Variants in TUBB8B observed in about 807,000 individuals in gnomAD.
TUBB8B encodes tubulin beta 8B.
TUBB8B carries 26 observed loss-of-function variants against 31.9 expected under a neutral mutation model. The ratio of observed to expected loss-of-function variants is 0.81; its 90% confidence interval spans 0.60 to 1.13. The LOEUF (loss-of-function observed/expected upper bound fraction) is 1.13. Among genes scored for constraint, TUBB8B ranks in the 50% most tolerant of loss-of-function variants. TUBB8B has a pLI of 0.00. For synonymous variants in TUBB8B, 173 were observed against 231.0 expected (o/e 0.75, Z 2.28); for missense variants, 467 against 586.7 (o/e 0.80, Z 2.11).
chr18:71,569 TAAAAAAAAAAAAAAA>T, the TUBB8B span, among the ~76,000 whole-genome samples: 6 of 57,606 alleles, frequency 1.0e-4, no homozygotes, highest in African/African-American at 4.5e-4. Context: ...AAAAAAAATT[TAAAAAAAAAAAAAAA>T]AAAAAAAAAA....
At chr18:61,184 C>T in the TUBB8B span, among the ~76,000 whole-genome samples, 94 of 151,598 alleles carry the variant, frequency 6.2e-4, 2 homozygotes, top group Middle Eastern at 0.017. Flanking sequence ...GAATTGATCT[C>T]TTTATTATTA....
the TUBB8B span, among the ~76,000 whole-genome samples, chr18:59,321 T>C: frequency 1.3e-5 from 2 of 151,706 alleles, no homozygotes; most frequent in African/African-American, 4.8e-5. Context: ...ATTACAGCGG[T>C]AAAAGTGGAT....
chr18:62,910 AT>A, the TUBB8B span, among the ~76,000 whole-genome samples: 5 of 151,558 alleles, frequency 3.3e-5, no homozygotes, highest in Non-Finnish European at 4.4e-5. Context: ...TCCTTGATCA[AT>A]TTTTTTAAGT....
intron 3 of TUBB8B, 70 bp from the exon 4 acceptor site, chr18:48,517 G>A (rs995869864): frequency 2.8e-6 from 3 of 1,056,698 alleles, no homozygotes; most frequent in Non-Finnish European, 4.4e-6. Flanking sequence ...CCATAATGCA[G>A]AAAGGGCCAA....
the TUBB8B span, among the ~76,000 whole-genome samples, chr18:61,052 T>A: frequency 6.6e-6 from 1 of 151,652 alleles, no homozygotes; most frequent in Non-Finnish European, 1.5e-5. Context: ...TAAAGTAGGG[T>A]GTTGAAGTGT....
At chr18:64,536 C>A in the TUBB8B span, among the ~76,000 whole-genome samples, 1 of 151,440 alleles carries the variant, frequency 6.6e-6, no homozygotes, top group East Asian at 2.0e-4. Flanking sequence ...CCAGCCTGGT[C>A]AACATGGGGA....
the TUBB8B span, among the ~76,000 whole-genome samples, chr18:56,135 G>A: frequency 2.0e-5 from 3 of 151,896 alleles, no homozygotes; most frequent in Non-Finnish European, 1.5e-5. Context: ...TTGAAAATTA[G>A]TTTAGTTGTA....
chr18:71,317 G>A, the TUBB8B span, among the ~76,000 whole-genome samples: 1 of 151,882 alleles, frequency 6.6e-6, no homozygotes, highest in Non-Finnish European at 1.5e-5. Context: ...GGAGGCAAAG[G>A]CAGGTGGATC....
At chr18:64,865 T>C in the TUBB8B span, among the ~76,000 whole-genome samples, 1 of 152,136 alleles carries the variant, frequency 6.6e-6, no homozygotes, top group Non-Finnish European at 1.5e-5. Context: ...TTTTTTCCCC[T>C]AAACTTCTAA....
the TUBB8B span, among the ~76,000 whole-genome samples, chr18:59,428 T>C: frequency 2.0e-5 from 3 of 151,694 alleles, no homozygotes; most frequent in Non-Finnish European, 2.9e-5. Context: ...ACTTTTATTA[T>C]GTTGAGATAT....
At chr18:70,145 GCAAAACCCTGTCT>G in the TUBB8B span, among the ~76,000 whole-genome samples, 1 of 152,082 alleles carries the variant, frequency 6.6e-6, no homozygotes, top group Non-Finnish European at 1.5e-5. Flanking sequence ...GGGAGACAGA[GCAAAACCCTGTCT>G]CAAAAAAATA....
upstream of TUBB8B, chr18:50,548 CCCT>C (rs1456294660): frequency 6.6e-6 from 1 of 152,378 alleles, no homozygotes; most frequent in Admixed American, 6.5e-5. Flanking sequence ...AAAGATTTAC[CCCT>C]ATAAACAAAT....
At chr18:51,834 T>C (rs555367292), upstream of TUBB8B, among the ~76,000 whole-genome samples, 1 of 151,944 alleles carries the variant, frequency 6.6e-6, no homozygotes, top group Non-Finnish European at 1.5e-5. Context: ...TCTCCGACCA[T>C]GTGCAACTGT....
At chr18:67,019 G>A in the TUBB8B span, among the ~76,000 whole-genome samples, 15 of 142,512 alleles carry the variant, frequency 1.1e-4, no homozygotes, top group East Asian at 1.8e-3. Context: ...TTCCAGAAAC[G>A]GAGTCTCACT....
At chr18:61,743 T>A in the TUBB8B span, among the ~76,000 whole-genome samples, 1 of 151,540 alleles carries the variant, frequency 6.6e-6, no homozygotes, top group South Asian at 2.1e-4. Context: ...ACTCTACACT[T>A]TAACTCCATT....
chr18:48,896 G>C (rs543679023), intron 3 of TUBB8B, 44 bp downstream of exon 3: 2 of 1,359,550 alleles, frequency 1.5e-6, no homozygotes, highest in Non-Finnish European at 2.1e-6. Context: ...ATTTTGAGCT[G>C]CCCTGGCTAA....
chr18:63,763 C>A, the TUBB8B span, among the ~76,000 whole-genome samples: 8 of 149,248 alleles, frequency 5.4e-5, no homozygotes, highest in Non-Finnish European at 3.0e-5. Context: ...TAGCCCTAAC[C>A]CTAACCCTAG....
rs759191393 is a variant in TUBB8B, at chr18:47,828, C to T, written c.897G>A (p.Met299Ile). The change falls in exon 4 of 4, where the codon ATG becomes ATA. Residue 299 changes from methionine to isoleucine, a missense_variant. By Grantham distance (10) the Met-to-Ile change is conservative. Coordinates refer to ENST00000308911, the MANE Select transcript of TUBB8B (RefSeq NM_001358689.2). ...LTQQMFDAKN[M>I]MAACDPRHGC... is the part of the protein sequence containing the mutation. ...CGTGACGGGGGTCACAGGCAGCCAT[C>T]ATGTTCTTAGCATCAAACATCTGCT... 2.5e-6 allele frequency: 4 copies of T among 1,611,670 alleles called. No homozygotes were observed. The South Asian group carries it at 4.4e-5, about 18-fold the overall frequency.
At chr18:67,744 A>G in the TUBB8B span, among the ~76,000 whole-genome samples, 5 of 152,238 alleles carry the variant, frequency 3.3e-5, no homozygotes, top group East Asian at 1.9e-4. Flanking sequence ...ATATCACGGC[A>G]TATCGTAATA....
Sources: gnomAD v4.1 joint callset for allele counts (sites outside exome capture counted in the v4.1 genomes callset) on GRCh38, gnomAD v4.1.1 for gene constraint, MANE v1.5 for transcripts, NCBI Gene and HGNC (gene_info 2026-07-23, HGNC 2026-07-21) for gene names.